SYT9: variants seen among roughly 807,000 people sequenced by gnomAD.
The protein encoded by SYT9 is synaptotagmin-9.
SYT9 carries 22 observed loss-of-function variants against 48.4 expected under a neutral mutation model. That is an observed-to-expected ratio of 0.45 (90% CI 0.32 to 0.65). SYT9 has a LOEUF of 0.65. SYT9 is among the 30% of genes least tolerant of loss of function. SYT9 has a pLI of 0.03. For missense variants in SYT9, 577 were observed against 622.0 expected (o/e 0.93, Z 0.77); for synonymous variants, 265 against 245.0 (o/e 1.08, Z -0.76).
At chr11:7,286,623 G>T (rs1400318697) in intron 1 of SYT9, among the ~76,000 whole-genome samples, 1 of 152,126 alleles carries the variant, frequency 6.6e-6, no homozygotes. Flanking sequence ...ATATTGTCAG[G>T]CTGCAAATTT....
At chr11:7,324,486 T>G (rs1202757954) in intron 3 of SYT9, among the ~76,000 whole-genome samples, 1 of 151,974 alleles carries the variant, frequency 6.6e-6, no homozygotes, top group Non-Finnish European at 1.5e-5. Flanking sequence ...TTTAGGTTAG[T>G]AATTTGCAGT....
At chr11:7,295,330 C>A (rs915694348) in intron 1 of SYT9, among the ~76,000 whole-genome samples, 1 of 152,238 alleles carries the variant, frequency 6.6e-6, no homozygotes, top group African/African-American at 2.4e-5. Context: ...CAAGTTCTAC[C>A]TTACACAAAA....
chr11:7,446,628 AG>A (rs1225149135), intron 6 of SYT9, among the ~76,000 whole-genome samples: 1 of 152,204 alleles, frequency 6.6e-6, no homozygotes, highest in Non-Finnish European at 1.5e-5. Flanking sequence ...TCCCAGAGCA[AG>A]GGAAGAAAAA....
intron 3 of SYT9, among the ~76,000 whole-genome samples, chr11:7,338,503 CTT>C (rs1441353898): frequency 6.6e-6 from 1 of 152,170 alleles, no homozygotes; most frequent in Non-Finnish European, 1.5e-5. Flanking sequence ...GTATTTCCCT[CTT>C]AACACTACCT....
chr11:7,266,557 T>C (rs757294752), intron 1 of SYT9, among the ~76,000 whole-genome samples: 1 of 152,172 alleles, frequency 6.6e-6, no homozygotes, highest in Non-Finnish European at 1.5e-5. Context: ...TGCACGCTGA[T>C]AAAGATTAAA....
chr11:7,272,866 A>G (rs1447478497), intron 1 of SYT9, among the ~76,000 whole-genome samples: 2 of 152,200 alleles, frequency 1.3e-5, no homozygotes, highest in African/African-American at 2.4e-5. Context: ...AACATGTGCA[A>G]AGGTTTAAAT....
intron 1 of SYT9, among the ~76,000 whole-genome samples, chr11:7,246,279 T>G (rs565622956): frequency 2.8e-4 from 42 of 152,284 alleles, no homozygotes; most frequent in South Asian, 1.9e-3. Flanking sequence ...AAAGTTCACT[T>G]TCTATCTATG....
intron 3 of SYT9, among the ~76,000 whole-genome samples, chr11:7,316,207 C>G (rs1266406478): frequency 6.6e-6 from 1 of 151,658 alleles, no homozygotes; most frequent in Non-Finnish European, 1.5e-5. Flanking sequence ...CCTGAACCCA[C>G]CATTTAGTTG....
intron 3 of SYT9, among the ~76,000 whole-genome samples, chr11:7,345,590 G>C (rs530748049): frequency 6.6e-6 from 1 of 152,250 alleles, no homozygotes; most frequent in South Asian, 2.1e-4. Context: ...TGAAGAATAG[G>C]CTGTATTCTG....
chr11:7,343,419 A>G (rs1053626727), intron 3 of SYT9, among the ~76,000 whole-genome samples: 1 of 152,174 alleles, frequency 6.6e-6, no homozygotes, highest in African/African-American at 2.4e-5. Context: ...TCAAAGTTCC[A>G]TAAATCTCTA....
intron 3 of SYT9, among the ~76,000 whole-genome samples, chr11:7,404,539 A>G (rs1282526064): frequency 6.6e-6 from 1 of 152,122 alleles, no homozygotes; most frequent in Non-Finnish European, 1.5e-5. Flanking sequence ...ACTTGAAGTG[A>G]TATTATGCCA....
chr11:7,354,194 T>C (rs369869693), intron 3 of SYT9, among the ~76,000 whole-genome samples: 37 of 152,324 alleles, frequency 2.4e-4, no homozygotes, highest in African/African-American at 8.2e-4. Context: ...CTGGGGCATA[T>C]GAATCCTCTT....
At chr11:7,417,845 G>A in intron 4 of SYT9, 112 bp from the exon 5 acceptor site, 1 of 1,046,596 alleles carries the variant, frequency 9.6e-7, no homozygotes, top group Non-Finnish European at 1.4e-6. Flanking sequence ...CAGTCCACAG[G>A]CAGGTAAAGG....
intron 3 of SYT9, among the ~76,000 whole-genome samples, chr11:7,342,307 T>TC (rs1209073604): frequency 6.6e-6 from 1 of 152,176 alleles, no homozygotes; most frequent in East Asian, 1.9e-4. Flanking sequence ...GCAAGTCCCT[T>TC]CCACCTATGA....
intron 3 of SYT9, among the ~76,000 whole-genome samples, chr11:7,398,527 A>G: frequency 6.6e-6 from 1 of 151,314 alleles, no homozygotes; most frequent in Non-Finnish European, 1.5e-5. Context: ...CTCCTGCCTC[A>G]GCCTCCCCAG....
chr11:7,257,915 G>A (rs1238667301), intron 1 of SYT9, among the ~76,000 whole-genome samples: 1 of 152,152 alleles, frequency 6.6e-6, no homozygotes, highest in East Asian at 1.9e-4. Flanking sequence ...AAAGCAAATT[G>A]TAGTAAAGGC....
chr11:7,468,493 C>T lies in SYT9; in HGVS notation c.*1693C>T. ...CTTGGCTTCCTCTGCTCAAGGTTCC[C>T]CTCTGCTCATCCCTCCTCATTCAGA... On this transcript the variant is annotated 3_prime_UTR_variant, in exon 7 of 7. Transcript: ENST00000318881. 2 of 394,666 alleles carry T rather than the reference C, an allele frequency of 5.1e-6. No homozygotes were observed. The highest frequency in any genetic ancestry group is 7.2e-5 in the East Asian group (2 of 27,782). The allele number at this position is 394,666 out of a possible 1,614,324, so 24.4% of individuals were successfully genotyped here. A position where few individuals can be genotyped will look rare whatever the true frequency, so the allele number is the denominator to read the frequency against.
chr11:7,240,416 C>CA (rs1847728692), intron 1 of SYT9, among the ~76,000 whole-genome samples: 1 of 152,046 alleles, frequency 6.6e-6, no homozygotes, highest in Admixed American at 6.6e-5. Context: ...AAAACAAAAA[C>CA]AAAAAACTCC....
At chr11:7,369,755 T>A (rs1244045979) in intron 3 of SYT9, among the ~76,000 whole-genome samples, 1 of 149,586 alleles carries the variant, frequency 6.7e-6, no homozygotes, top group Non-Finnish European at 1.5e-5. Flanking sequence ...GTTAACTTGT[T>A]AACTTTATTT....
Sources: gnomAD v4.1 joint callset for allele counts (sites outside exome capture counted in the v4.1 genomes callset) on GRCh38, gnomAD v4.1.1 for gene constraint, MANE v1.5 for transcripts, NCBI Gene and HGNC (gene_info 2026-07-23, HGNC 2026-07-21) for gene names.